Variants in OSBPL6 observed in about 807,000 individuals in gnomAD.
OSBPL6 encodes the protein oxysterol-binding protein-related protein 6.
OSBPL6 carries 49 observed loss-of-function variants against 125.8 expected under a neutral mutation model. The ratio of observed to expected loss-of-function variants is 0.39; its 90% CI spans 0.31 to 0.49. The LOEUF is 0.49. OSBPL6 is among the 20% of genes least tolerant of loss of function. OSBPL6 has a pLI of 0.88. For missense variants in OSBPL6, 986 were observed against 1,135.4 expected, an observed-to-expected ratio of 0.87 and a Z score of 1.89; for synonymous variants, 394 against 391.8, an observed-to-expected ratio of 1.01 and a Z score of -0.07.
chr2:178,374,583 G>T (rs2154107354), intron 15 of OSBPL6, among the ~76,000 whole-genome samples: 1 of 152,286 alleles, frequency 6.6e-6, no homozygotes, highest in Admixed American at 6.5e-5. Context: ...CTTGGAAACT[G>T]GGAACCTCTT....
In OSBPL6 at chr2:178,361,619, A is replaced by T; in HGVS notation, c.1154-63A>T. On this transcript the variant is annotated intron_variant, in intron 12 of 24. Coordinates refer to ENST00000190611, the MANE Select transcript of OSBPL6 (RefSeq NM_032523.4). ...TGTGAGTGAAAGTCTGGAGAAATTTATAATGTTGTGTATTCTTTCTGCACA... is the reference window on the plus strand; with the variant it reads ...TGTGAGTGAAAGTCTGGAGAAATTTTTAATGTTGTGTATTCTTTCTGCACA... 13 of 1,569,292 alleles carry T rather than the reference A, an allele frequency of 8.3e-6. No homozygotes were observed. The South Asian group carries it at 1.4e-4, about 17-fold the overall frequency.
intron 12 of OSBPL6, among the ~76,000 whole-genome samples, chr2:178,352,891 A>C (rs1456327271): frequency 6.6e-6 from 1 of 152,204 alleles, no homozygotes; most frequent in Non-Finnish European, 1.5e-5. Context: ...AAGCTTCCAG[A>C]GGAAGGATCA....
At chr2:178,282,855 G>C (rs1331887351) in intron 1 of OSBPL6, among the ~76,000 whole-genome samples, 1 of 152,132 alleles carries the variant, frequency 6.6e-6, no homozygotes, top group Admixed American at 6.5e-5. Flanking sequence ...GTTTCACCAT[G>C]TTGGCCAAGC....
chr2:178,204,369 C>G (rs1030011991), intron 1 of OSBPL6, among the ~76,000 whole-genome samples: 6 of 152,214 alleles, frequency 3.9e-5, no homozygotes, highest in Non-Finnish European at 5.9e-5. Flanking sequence ...CTGGAAATCT[C>G]TCTGTGAACA....
chr2:178,242,610 G>C (rs187703597), intron 1 of OSBPL6, among the ~76,000 whole-genome samples: 10 of 152,180 alleles, frequency 6.6e-5, no homozygotes, highest in African/African-American at 2.4e-4. Context: ...TGATACTTTA[G>C]TTTTAAAAAA....
chr2:178,256,108 T>C (rs185933400), intron 1 of OSBPL6, among the ~76,000 whole-genome samples: 126 of 152,332 alleles, frequency 8.3e-4, no homozygotes, highest in African/African-American at 3.0e-3. Flanking sequence ...CCTGGGCTGA[T>C]ACAGAAGCTT....
Position 178,303,606 on chromosome 2 carries a change from G to A in OSBPL6, c.-155-2424G>A, listed in dbSNP as rs1020803419. On this transcript the variant is annotated intron_variant, in intron 2 of 24. Coordinates refer to ENST00000190611, the MANE Select transcript of OSBPL6 (RefSeq NM_032523.4). ...AGTCTATTAAACATTTACATCTCCAGCCTAGATTTCCCTGAGCTCCAGACC... is the reference window on the plus strand; with the variant it reads ...AGTCTATTAAACATTTACATCTCCAACCTAGATTTCCCTGAGCTCCAGACC... Among the ~76,000 whole-genome samples the A allele has an allele frequency of 5.9e-5, 9 of 152,052 alleles. No homozygotes were observed. In the East Asian group the frequency reaches 1.7e-3, roughly 29 times the overall value.
intron 2 of OSBPL6, among the ~76,000 whole-genome samples, chr2:178,293,375 A>G (rs1263099133): frequency 6.6e-6 from 1 of 152,132 alleles, no homozygotes; most frequent in Non-Finnish European, 1.5e-5. Context: ...TTCAAACTAG[A>G]CAAAAAATAA....
Position 178,399,784 on chromosome 2 carries a change from C to T in OSBPL6, c.*4225C>T, listed in dbSNP as rs1304064971. 8 of 152,192 alleles carry T rather than the reference C, an allele frequency of 5.3e-5. No homozygotes were observed. Among genetic ancestry groups the T allele is most frequent in the Admixed American group, 5.2e-4 (8 of 15,278 alleles). 9.4% of individuals were successfully genotyped at this position (152,192 alleles called of 1,614,324 possible). On this transcript the variant is annotated 3_prime_UTR_variant, in exon 25 of 25. Transcript: ENST00000190611. ...ACTGTGTCATTGTTTGTAAAATATA[C>T]AGTATTTATGTACAGTTTCAGAGAC...
rs374606019 is a variant in OSBPL6, at chr2:178,306,281, A to G, written c.97A>G (p.Arg33Gly). ...TTCAACATCCTCCCAAAGGGACAGTAGGCAGGTAAGAGAAGAGCATTAAGT... is the reference window on the plus strand; with the variant it reads ...TTCAACATCCTCCCAAAGGGACAGTGGGCAGGTAAGAGAAGAGCATTAAGT... ...SSSTSSQRDS[R>G]QSIHILERTA... is the part of the protein sequence containing the mutation. The change falls in exon 3 of 25, where the codon AGG (arginine) becomes GGG (glycine). Residue 33 changes from arginine to glycine, a missense_variant. By Grantham distance (125) the Arg-to-Gly change is moderately radical. This residue lies in a region of OSBPL6 where 130 missense variants were observed against 106.4 expected (regional missense o/e 1.22). Transcript: ENST00000190611. The G allele has an allele frequency of 1.9e-6, 3 of 1,603,874 alleles. No individual in the cohort carries two copies. Among genetic ancestry groups the G allele is most frequent in the African/African-American group, 2.7e-5 (2 of 74,798 alleles).
At chr2:178,379,673 A>G (rs980041372) in intron 15 of OSBPL6, among the ~76,000 whole-genome samples, 1 of 152,196 alleles carries the variant, frequency 6.6e-6, no homozygotes, top group Admixed American at 6.5e-5. Flanking sequence ...AGAAATCACC[A>G]GAGGAGTTTG....
chr2:178,314,544 G>C (rs1040753922), intron 3 of OSBPL6, among the ~76,000 whole-genome samples: 1 of 152,192 alleles, frequency 6.6e-6, no homozygotes, highest in Non-Finnish European at 1.5e-5. Flanking sequence ...TTGGGACTTA[G>C]GACCAGTGTC....
intron 3 of OSBPL6, among the ~76,000 whole-genome samples, chr2:178,312,345 G>C (rs1266635814): frequency 6.6e-6 from 1 of 151,578 alleles, no homozygotes; most frequent in Non-Finnish European, 1.5e-5. Flanking sequence ...TTTTAGTAGA[G>C]ATGGGGTTTC....
At chr2:178,220,614 A>G (rs1400144274) in intron 1 of OSBPL6, among the ~76,000 whole-genome samples, 2 of 152,210 alleles carry the variant, frequency 1.3e-5, no homozygotes, top group African/African-American at 4.8e-5. Context: ...CCAAAAAGTG[A>G]ATAGTGTTCT....
In OSBPL6 at chr2:178,396,284, G is replaced by A. The variant is rs1695840567; in HGVS notation, c.*725G>A. The A allele has an allele frequency of 6.4e-6, 1 of 155,540 alleles. No homozygotes were observed. The highest frequency in any genetic ancestry group is 2.4e-5 in the African/African-American group (1 of 41,448). 9.6% of individuals were successfully genotyped at this position (155,540 alleles called of 1,614,324 possible). ...AACAACACGTGCTTTACTCTGATAA[G>A]TCAGTTACCATATGGTATGTCTGAA... is the stretch of plus-strand genomic sequence containing the variant. On this transcript the variant is annotated 3_prime_UTR_variant, in exon 25 of 25. Transcript: ENST00000190611.
intron 12 of OSBPL6, among the ~76,000 whole-genome samples, chr2:178,351,776 G>A (rs1405046090): frequency 6.6e-6 from 1 of 152,156 alleles, no homozygotes; most frequent in Non-Finnish European, 1.5e-5. Context: ...ACTACAAGTG[G>A]GGGCTAAATG....
chr2:178,314,840 C>G (rs929414540), intron 3 of OSBPL6, among the ~76,000 whole-genome samples: 3 of 152,158 alleles, frequency 2.0e-5, no homozygotes, highest in African/African-American at 4.8e-5. Flanking sequence ...GTTTCTGGAG[C>G]CCTTGTTCTT....
intron 13 of OSBPL6, among the ~76,000 whole-genome samples, chr2:178,366,885 G>A (rs927494358): frequency 1.6e-4 from 25 of 152,212 alleles, no homozygotes; most frequent in African/African-American, 5.3e-4. Flanking sequence ...AACATAATTT[G>A]GCAATATTTA....
At chr2:178,319,356 T>C (rs1688042519) in intron 3 of OSBPL6, among the ~76,000 whole-genome samples, 1 of 152,266 alleles carries the variant, frequency 6.6e-6, no homozygotes, top group African/African-American at 2.4e-5. Flanking sequence ...TTCACTCATT[T>C]CTACTTCTCT....
Sources: allele counts gnomAD v4.1 joint callset (sites outside exome capture counted in the v4.1 genomes callset), GRCh38; gene constraint gnomAD v4.1.1; regional missense constraint gnomAD v4.1.1; transcripts MANE v1.5; gene names NCBI Gene and HGNC (gene_info 2026-07-23, HGNC 2026-07-21).